The following ELP1 variants were observed in gnomAD, a reference collection of about 807,000 sequenced individuals.
The protein encoded by ELP1 is elongator complex protein 1.
A neutral mutation model predicts 183.2 loss-of-function variants in ELP1; 131 were observed. That is an observed-to-expected ratio of 0.72 (90% CI 0.62 to 0.83). The LOEUF (loss-of-function observed/expected upper bound fraction) is 0.83. ELP1 is among the 40% of genes least tolerant of loss of function. The pLI is 0.00. For missense variants in ELP1, 1,550 were observed against 1,594.9 expected, an observed-to-expected ratio of 0.97 and a Z score of 0.48; for synonymous variants, 555 against 569.0, an observed-to-expected ratio of 0.98 and a Z score of 0.35.
Position 108,911,195 on chromosome 9 carries a change from AAAG to A in ELP1, c.1190-18_1190-16del, listed in dbSNP as rs1280667954. 3 of 1,613,628 alleles carry A rather than the reference AAAG, an allele frequency of 1.9e-6. No individual in the cohort carries two copies. Among genetic ancestry groups the A allele is most frequent in the South Asian group, 1.1e-5 (1 of 90,992 alleles). On this transcript the variant is annotated splice_polypyrimidine_tract_variant and intron_variant, in intron 11 of 36. Coordinates refer to ENST00000374647, the MANE Select transcript of ELP1 (RefSeq NM_003640.5). The stretch of plus-strand genomic sequence containing the variant: ...CAACACCCTGTCTGCAGTGAAAAAG[AAAG>A]AAGAGGATTAGACCTAGGGATATTC...
At position 108,896,488 on chromosome 9, in the gene ELP1, C is replaced by G; in HGVS notation, c.2736+8G>C. The G allele has an allele frequency of 6.2e-7, 1 of 1,613,866 alleles. No individual in the cohort carries two copies. On this transcript the variant is annotated splice_region_variant and intron_variant, in intron 25 of 36. Transcript: ENST00000374647. ...ACCAAATGGCATAAAAGTAAGAACT[C>G]CACATACCTTCTGTGACTTCTCAGC... is the stretch of plus-strand genomic sequence containing the variant.
chr9:108,909,007 C>T (rs187083111), intron 12 of ELP1, among the ~76,000 whole-genome samples: 27 of 152,138 alleles, frequency 1.8e-4, no homozygotes, highest in African/African-American at 5.8e-4. Context: ...CTGCTTGGAA[C>T]GCTCTTTCTT....
chr9:108,893,659 A>G (rs1286582075), intron 26 of ELP1, among the ~76,000 whole-genome samples: 3 of 152,176 alleles, frequency 2.0e-5, no homozygotes, highest in South Asian at 2.1e-4. Flanking sequence ...CTGACAACCA[A>G]TTTTGATTCT....
intron 36 of ELP1, among the ~76,000 whole-genome samples, chr9:108,870,058 C>G (rs1341681347): frequency 6.6e-6 from 1 of 152,100 alleles, no homozygotes; most frequent in Non-Finnish European, 1.5e-5. Flanking sequence ...TCACTGCAGC[C>G]TCGACCCCCT....
chr9:108,887,752 G>T (rs909263734), intron 29 of ELP1, among the ~76,000 whole-genome samples: 2 of 152,146 alleles, frequency 1.3e-5, no homozygotes, highest in Non-Finnish European at 2.9e-5. Flanking sequence ...AGCTTTTAAG[G>T]TAAGTTGTTA....
At chr9:108,879,653 G>A (rs1236226121) in intron 32 of ELP1, 96 bp from the exon 33 acceptor site, 3 of 803,638 alleles carry the variant, frequency 3.7e-6, no homozygotes, top group East Asian at 5.0e-5. Context: ...GTCAACTGGT[G>A]CATATCAAAG....
At chr9:108,890,600 T>C (rs891045144) in intron 28 of ELP1, among the ~76,000 whole-genome samples, 1 of 152,344 alleles carries the variant, frequency 6.6e-6, no homozygotes, top group African/African-American at 2.4e-5. Flanking sequence ...CAGCCTCGCC[T>C]CTGGTTCGGG....
chr9:108,892,906 T>TAA, intron 27 of ELP1, 80 bp downstream of exon 27: 1 of 943,702 alleles, frequency 1.1e-6, no homozygotes, highest in East Asian at 2.4e-5. Flanking sequence ...AGGATGGTGT[T>TAA]ATGAACTTAG....
intron 24 of ELP1, 93 bp from the exon 25 acceptor site, chr9:108,896,737 T>C (rs957811559): frequency 2.1e-5 from 27 of 1,260,518 alleles, no homozygotes; most frequent in Middle Eastern, 1.8e-4. Context: ...TAAATTTTTC[T>C]CAATAGAACT....
chr9:108,927,488 C>T lies in ELP1; in HGVS notation c.304-35G>A. ...AGAAAATTGAAAAGAGAGATTCAAA[C>T]ACTAGCATCTCAGTAAAAACTGACT... is the stretch of plus-strand genomic sequence containing the variant. On this transcript the variant is annotated intron_variant, in intron 3 of 36. Transcript: ENST00000374647. The T allele has an allele frequency of 2.0e-6, 3 of 1,519,842 alleles. No homozygotes were observed. In the Admixed American group the frequency reaches 5.0e-5, roughly 25 times the overall value. 94.1% of individuals were successfully genotyped at this position (1,519,842 alleles called of 1,614,324 possible).
chr9:108,914,871 C>G (rs958417605), intron 10 of ELP1, among the ~76,000 whole-genome samples: 1 of 152,148 alleles, frequency 6.6e-6, no homozygotes, highest in African/African-American at 2.4e-5. Flanking sequence ...GTGATCCGCC[C>G]GCCTCGGCCT....
chr9:108,901,462 G>T lies in ELP1; in HGVS notation c.1977C>A (p.Thr659=). The T allele has an allele frequency of 6.2e-7, 1 of 1,613,920 alleles. No individual in the cohort carries two copies. Residue 659 remains threonine (T), a synonymous_variant, in exon 18 of 37, where the codon ACC becomes ACA. Coordinates refer to ENST00000374647, the MANE Select transcript of ELP1 (RefSeq NM_003640.5). ...CATCCCTCAGGCAAAAACACTGGCA[G>T]GTATGGGAATGGGTTGTCAACAATA... The part of the protein sequence containing the change: ...EFLLLTTHSH[T]CQCFCLRDAS...
chr9:108,911,306 T>C, intron 11 of ELP1, 126 bp from the exon 12 acceptor site: 2 of 942,670 alleles, frequency 2.1e-6, no homozygotes, highest in Non-Finnish European at 3.3e-6. Flanking sequence ...TCAATGTTTT[T>C]CTCAGGAACA....
chr9:108,921,048 C>T (rs1417779558), intron 6 of ELP1, among the ~76,000 whole-genome samples: 3 of 152,122 alleles, frequency 2.0e-5, no homozygotes. Flanking sequence ...AACACCTTTA[C>T]TGGGATATAA....
rs777231662 is a variant in ELP1, at chr9:108,882,196, G to A, written c.3223-9C>T. 2 of 1,611,720 alleles carry A rather than the reference G, an allele frequency of 1.2e-6. No homozygotes were observed. The highest frequency in any genetic ancestry group is 3.3e-5 in the Admixed American group (2 of 59,986). ...ACAGCTTCTTCATAATCCTGACAAG[G>A]GAACAGGAAGAAGACAACAAGTGAA... is the stretch of plus-strand genomic sequence containing the variant. On this transcript the variant is annotated splice_polypyrimidine_tract_variant and intron_variant, in intron 29 of 36. Transcript: ENST00000374647.
chr9:108,920,329 T>A (rs1240594515), intron 6 of ELP1, among the ~76,000 whole-genome samples: 1 of 150,608 alleles, frequency 6.6e-6, no homozygotes, highest in East Asian at 2.0e-4. Context: ...TGGCCCAGGC[T>A]GGAGTGCAGT....
intron 1 of ELP1, among the ~76,000 whole-genome samples, 162 bp downstream of exon 1, chr9:108,933,702 G>T (rs115665359): frequency 8.3e-4 from 127 of 152,362 alleles, no homozygotes; most frequent in African/African-American, 3.0e-3. Context: ...GGAGCAGGTG[G>T]CAAGGCTGCA....
rs565257577 is a variant in ELP1, at chr9:108,922,910, C to G, written c.484G>C (p.Gly162Arg). 1.4e-5 allele frequency: 22 copies of G among 1,613,740 alleles called. No homozygotes were observed. In the African/African-American group the frequency reaches 2.9e-4, roughly 22 times the overall value. The change falls in exon 6 of 37, where the codon GGA becomes CGA. Residue 162 changes from glycine (G) to arginine (R), a missense_variant. Transcript: ENST00000374647. ...AACTGTGTCTCCTTCCTACCCCATC[C>G]AACAGTGATAAACTTGCCTACAGAA... ...DFGESKFITV[G>R]WGRKETQFHG...
At chr9:108,896,776 A>T in intron 24 of ELP1, 132 bp from the exon 25 acceptor site, 1 of 1,037,762 alleles carries the variant, frequency 9.6e-7, no homozygotes, top group South Asian at 1.3e-5. Context: ...TACTTCTGAT[A>T]CTTTTATATA....
Sources: allele counts gnomAD v4.1 joint callset (sites outside exome capture counted in the v4.1 genomes callset), GRCh38; gene constraint gnomAD v4.1.1; transcripts MANE v1.5; gene names NCBI Gene and HGNC (gene_info 2026-07-23, HGNC 2026-07-21).